Variants in DNAJC6 observed in about 807,000 individuals in gnomAD.
DNAJC6 encodes the protein auxilin.
In DNAJC6, 34 loss-of-function variants were observed where a neutral mutation model predicts 110.0. The observed-to-expected ratio is 0.31, with a 90% confidence interval of 0.24 to 0.41. The LOEUF (loss-of-function observed/expected upper bound fraction) is 0.41, where lower values mean the gene tolerates loss of function less well. DNAJC6 is among the 10% of genes least tolerant of loss of function. DNAJC6 has a pLI of 1.00. For missense variants in DNAJC6, 1,031 were observed against 1,207.8 expected (o/e 0.85, Z 2.17); for synonymous variants, 406 against 437.2 (o/e 0.93, Z 0.89).
intron 12 of DNAJC6, among the ~76,000 whole-genome samples, chr1:65,393,220 A>G (rs924740287): frequency 6.6e-6 from 1 of 152,230 alleles, no homozygotes. Context: ...ACTATTTGCC[A>G]GACATGGAAT....
At chr1:65,354,316 T>G (rs1312222398) in intron 1 of DNAJC6, among the ~76,000 whole-genome samples, 1 of 152,166 alleles carries the variant, frequency 6.6e-6, no homozygotes, top group African/African-American at 2.4e-5. Context: ...TAGCTTCATT[T>G]CATTCTGTTG....
At chr1:65,392,280 C>A in intron 11 of DNAJC6, 151 bp from the exon 12 acceptor site, 1 of 680,342 alleles carries the variant, frequency 1.5e-6, no homozygotes, top group Non-Finnish European at 2.4e-6. Flanking sequence ...ACGTGAAATA[C>A]ATCAAGTGTT....
At chr1:65,322,956 G>GA (rs1462649430) in intron 1 of DNAJC6, among the ~76,000 whole-genome samples, 1 of 152,092 alleles carries the variant, frequency 6.6e-6, no homozygotes, top group African/African-American at 2.4e-5. Context: ...AAAACACAAA[G>GA]AAAAAATAAA....
chr1:65,408,766 G>C lies in DNAJC6; in HGVS notation c.2617G>C (p.Asp873His). ...AAAGGAGGAAATGGCCAAGGAAATG[G>C]ATCCTGAGAAATTAAAGGTGAGTGA... The part of the protein sequence containing the change: ...MRKEEMAKEM[D>H]PEKLKILEWI... Residue 873 changes from aspartate (D) to histidine (H), a missense_variant, in exon 17 of 19, where the codon GAT becomes CAT. Transcript: ENST00000371069. The C allele has an allele frequency of 1.2e-6, 2 of 1,612,722 alleles. No homozygotes were observed. The highest frequency in any genetic ancestry group is 1.7e-6 in the Non-Finnish European group (2 of 1,179,668).
intron 1 of DNAJC6, among the ~76,000 whole-genome samples, chr1:65,268,811 CAG>C (rs1215214053): frequency 1.3e-5 from 2 of 151,918 alleles, no homozygotes; most frequent in Non-Finnish European, 2.9e-5. Context: ...ATTTGGAAAA[CAG>C]ATATTTTAAC....
At chr1:65,352,933 C>T (rs1287807928) in intron 1 of DNAJC6, among the ~76,000 whole-genome samples, 1 of 152,104 alleles carries the variant, frequency 6.6e-6, no homozygotes, top group African/African-American at 2.4e-5. Flanking sequence ...CCCTTTGGTG[C>T]CTATATTGTC....
chr1:65,411,168 A>C (rs1646125352), intron 17 of DNAJC6, 82 bp from the exon 18 acceptor site: 3 of 1,422,248 alleles, frequency 2.1e-6, no homozygotes, highest in Admixed American at 2.1e-5. Flanking sequence ...GCTGGAGCAG[A>C]AGGGGTTTCT....
intron 1 of DNAJC6, chr1:65,279,333 G>C (rs1653772068): frequency 4.5e-6 from 1 of 222,828 alleles, no homozygotes; most frequent in African/African-American, 2.4e-5. Context: ...CTGCAGGGAA[G>C]GGGACGTGCC....
intron 1 of DNAJC6, among the ~76,000 whole-genome samples, chr1:65,278,027 A>T (rs1267869056): frequency 6.6e-6 from 1 of 152,216 alleles, no homozygotes; most frequent in Non-Finnish European, 1.5e-5. Context: ...AAAAGAAGAA[A>T]AAAGTATTTT....
At chr1:65,378,658 A>T (rs1033902976) in intron 4 of DNAJC6, among the ~76,000 whole-genome samples, 2 of 152,260 alleles carry the variant, frequency 1.3e-5, no homozygotes, top group East Asian at 3.8e-4. Context: ...TGATAATGTC[A>T]GCCAGTGTGC....
At chr1:65,302,106 TA>T (rs58401419) in intron 1 of DNAJC6, among the ~76,000 whole-genome samples, 9 of 66,346 alleles carry the variant, frequency 1.4e-4, no homozygotes, top group African/African-American at 2.5e-4. Flanking sequence ...ATATAATATA[TA>T]ATATATATAT....
chr1:65,299,118 A>G (rs940964359), intron 1 of DNAJC6: 2 of 152,236 alleles, frequency 1.3e-5, no homozygotes, highest in Admixed American at 6.5e-5. Flanking sequence ...ACTTTTGAAT[A>G]TGTTTGAAAA....
At chr1:65,380,512 T>G (rs543218856) in intron 5 of DNAJC6, among the ~76,000 whole-genome samples, 5 of 152,338 alleles carry the variant, frequency 3.3e-5, no homozygotes, top group African/African-American at 1.2e-4. Flanking sequence ...CACTTGGTGT[T>G]TGTAAGAATT....
chr1:65,334,470 G>C (rs544740235), intron 1 of DNAJC6, among the ~76,000 whole-genome samples: 2 of 152,352 alleles, frequency 1.3e-5, no homozygotes, highest in Admixed American at 1.3e-4. Context: ...CTGGGGCAAA[G>C]ATGGGTGAAG....
chr1:65,269,323 G>A (rs1653432221), intron 1 of DNAJC6, among the ~76,000 whole-genome samples: 2 of 151,042 alleles, frequency 1.3e-5, no homozygotes, highest in South Asian at 4.2e-4. Flanking sequence ...AGCCGAGATA[G>A]CAAGACTGCA....
chr1:65,344,618 A>G (rs61066308), intron 1 of DNAJC6, among the ~76,000 whole-genome samples: 5,261 of 152,270 alleles, frequency 0.035, 149 homozygotes, highest in South Asian at 0.14. Flanking sequence ...CTAGAATTCA[A>G]TTAACTCCAT....
chr1:65,265,652 A>T (rs1395345062), intron 1 of DNAJC6, among the ~76,000 whole-genome samples: 1 of 152,228 alleles, frequency 6.6e-6, no homozygotes, highest in Non-Finnish European at 1.5e-5. Context: ...ATTCTGGAGG[A>T]TTCTGGGGTT....
chr1:65,280,869 T>C (rs574473914), intron 1 of DNAJC6, among the ~76,000 whole-genome samples: 2 of 152,278 alleles, frequency 1.3e-5, no homozygotes, highest in Non-Finnish European at 2.9e-5. Flanking sequence ...GAGATGTTTT[T>C]TCATATTAGG....
chr1:65,314,884 T>G (rs1164703367), intron 1 of DNAJC6, among the ~76,000 whole-genome samples: 1 of 152,252 alleles, frequency 6.6e-6, no homozygotes, highest in Non-Finnish European at 1.5e-5. Flanking sequence ...ATAAGATACG[T>G]CAATTTAAGT....
Sources: allele counts gnomAD v4.1 joint callset (sites outside exome capture counted in the v4.1 genomes callset), GRCh38; gene constraint gnomAD v4.1.1; transcripts MANE v1.5; gene names NCBI Gene and HGNC (gene_info 2026-07-23, HGNC 2026-07-21).